DCDC1: variants seen among roughly 807,000 people sequenced by gnomAD.
DCDC1 encodes doublecortin domain-containing protein 1.
In DCDC1, 200 loss-of-function variants were observed where a neutral mutation model predicts 178.3. The observed-to-expected ratio is 1.12, with a 90% CI of 1.00 to 1.26. DCDC1 has a LOEUF of 1.26. DCDC1 is among the 50% of genes most tolerant of loss of function. The probability of loss-of-function intolerance (pLI) is 0.00; values close to 1 mark genes in which losing one functional copy is unlikely to be tolerated. For missense variants in DCDC1, 1,983 were observed against 1,749.2 expected, an observed-to-expected ratio of 1.13 and a Z score of -2.38; for synonymous variants, 690 against 604.8, an observed-to-expected ratio of 1.14 and a Z score of -2.07.
At chr11:31,205,047 T>A (rs1412884185) in intron 9 of DCDC1, among the ~76,000 whole-genome samples, 2 of 152,162 alleles carry the variant, frequency 1.3e-5, no homozygotes, top group Non-Finnish European at 2.9e-5. Flanking sequence ...TTCTTATCTA[T>A]AAGAGTTTTC....
intron 15 of DCDC1, among the ~76,000 whole-genome samples, chr11:31,098,778 T>A (rs183234118): frequency 1.6e-4 from 24 of 152,316 alleles, no homozygotes; most frequent in African/African-American, 5.8e-4. Context: ...ACTCTGTAAA[T>A]AATTGGAGAC....
At chr11:31,059,363 C>G (rs1005410778) in intron 20 of DCDC1, among the ~76,000 whole-genome samples, 2 of 151,974 alleles carry the variant, frequency 1.3e-5, no homozygotes, top group African/African-American at 4.8e-5. Context: ...GGATATTTGA[C>G]TTTTCTAATC....
intron 20 of DCDC1, among the ~76,000 whole-genome samples, chr11:30,977,861 T>C (rs1210017901): frequency 2.0e-5 from 3 of 151,964 alleles, no homozygotes; most frequent in Non-Finnish European, 4.4e-5. Context: ...GCCCAGGAGG[T>C]CAAGGCTGAA....
At position 31,171,714 on chromosome 11, in the gene DCDC1, C is replaced by T. The variant is rs535416783; in HGVS notation, c.1222-33930G>A. Among the ~76,000 whole-genome samples the T allele has an allele frequency of 3.9e-5, 6 of 152,258 alleles. No homozygotes were observed. The South Asian group carries it at 1.2e-3, about 32-fold the overall frequency. ...TATGACCTACCCCAATCACCAGGGA[C>T]TTTGTAGTATAATTTTACAACATCT... On this transcript the variant is annotated intron_variant, in intron 9 of 38. Transcript: ENST00000684477.
chr11:31,174,418 T>C (rs188502734), intron 9 of DCDC1, among the ~76,000 whole-genome samples: 1 of 152,250 alleles, frequency 6.6e-6, no homozygotes, highest in Admixed American at 6.5e-5. Flanking sequence ...CAGCACAAGA[T>C]GGAGGCCAAG....
At chr11:31,113,064 G>C (rs1959223011) in intron 11 of DCDC1, among the ~76,000 whole-genome samples, 1 of 152,160 alleles carries the variant, frequency 6.6e-6, no homozygotes, top group Admixed American at 6.5e-5. Context: ...GTATAATTTA[G>C]TGGGTCTTCT....
chr11:31,033,518 C>T (rs1953810297), intron 20 of DCDC1, among the ~76,000 whole-genome samples: 1 of 151,928 alleles, frequency 6.6e-6, no homozygotes, highest in South Asian at 2.1e-4. Flanking sequence ...ACATTTATAA[C>T]AGTATAAATT....
At chr11:31,168,704 T>C (rs1179437838) in intron 9 of DCDC1, among the ~76,000 whole-genome samples, 1 of 152,162 alleles carries the variant, frequency 6.6e-6, no homozygotes, top group African/African-American at 2.4e-5. Flanking sequence ...GTGGAATCTC[T>C]TCGTATCACT....
intron 34 of DCDC1, 48 bp downstream of exon 34, chr11:30,899,493 C>A: frequency 8.0e-7 from 1 of 1,245,142 alleles, no homozygotes; most frequent in African/African-American, 1.5e-5. Flanking sequence ...CAATTTGGGG[C>A]TACATTTTGA....
intron 9 of DCDC1, among the ~76,000 whole-genome samples, chr11:31,233,089 A>T (rs891791998): frequency 3.3e-5 from 3 of 89,616 alleles, no homozygotes; most frequent in African/African-American, 1.1e-4. Flanking sequence ...CTTCATCTCA[A>T]AAAAAAAAAA....
intron 9 of DCDC1, among the ~76,000 whole-genome samples, chr11:31,170,302 G>A (rs545694940): frequency 2.0e-5 from 3 of 152,070 alleles, no homozygotes; most frequent in African/African-American, 2.4e-5. Context: ...TCAGTAGACC[G>A]AAAAAAAGTT....
At chr11:31,029,237 A>G (rs1405228933) in intron 20 of DCDC1, among the ~76,000 whole-genome samples, 1 of 152,104 alleles carries the variant, frequency 6.6e-6, no homozygotes, top group Non-Finnish European at 1.5e-5. Context: ...TTCTCACTAC[A>G]TATTTTATAA....
At chr11:30,868,908 T>C (rs962321975) in intron 38 of DCDC1, among the ~76,000 whole-genome samples, 10 of 152,222 alleles carry the variant, frequency 6.6e-5, no homozygotes, top group African/African-American at 2.4e-4. Context: ...GGGTGCTCTG[T>C]GGGACTAATT....
At chr11:31,274,616 A>G (rs1945839166) in intron 7 of DCDC1, among the ~76,000 whole-genome samples, 1 of 149,392 alleles carries the variant, frequency 6.7e-6, no homozygotes, top group South Asian at 2.3e-4. Context: ...GAAAGGGGAG[A>G]GTAGCCTCAT....
intron 20 of DCDC1, among the ~76,000 whole-genome samples, chr11:31,014,957 T>C (rs1174575346): frequency 6.6e-6 from 1 of 151,892 alleles, no homozygotes; most frequent in Admixed American, 6.6e-5. Context: ...TTTCTTTTTT[T>C]TTTTTTTTGA....
chr11:30,950,283 G>C (rs1251967810), intron 21 of DCDC1, among the ~76,000 whole-genome samples: 1 of 152,178 alleles, frequency 6.6e-6, no homozygotes, highest in East Asian at 1.9e-4. Context: ...GGAGAACAGT[G>C]TGGAGGTTCC....
chr11:31,245,779 C>T (rs1030112303), intron 8 of DCDC1, among the ~76,000 whole-genome samples: 1 of 151,836 alleles, frequency 6.6e-6, no homozygotes, highest in Non-Finnish European at 1.5e-5. Context: ...GTCAAAATAA[C>T]TCTTTTAAAT....
chr11:31,113,867 G>A (rs1364950232), intron 11 of DCDC1, among the ~76,000 whole-genome samples: 2 of 152,128 alleles, frequency 1.3e-5, no homozygotes, highest in Admixed American at 1.3e-4. Context: ...TAGGATTGAT[G>A]CCACATTTTG....
At chr11:31,025,041 T>A (rs1223731122) in intron 20 of DCDC1, among the ~76,000 whole-genome samples, 1 of 151,858 alleles carries the variant, frequency 6.6e-6, no homozygotes, top group African/African-American at 2.4e-5. Context: ...GCCATATGTA[T>A]CACTTCATAA....
Sources: allele counts gnomAD v4.1 joint callset (sites outside exome capture counted in the v4.1 genomes callset), GRCh38; gene constraint gnomAD v4.1.1; transcripts MANE v1.5; gene names NCBI Gene and HGNC (gene_info 2026-07-23, HGNC 2026-07-21).